The following CFAP96 variants were observed in gnomAD, a reference collection of about 807,000 sequenced individuals.
CFAP96 encodes the protein cilia-and flagella-associated protein 96.
chr4:185,408,564 T>C, the CFAP96 span: 1 of 954,790 alleles, frequency 1.0e-6, no homozygotes, highest in South Asian at 1.8e-5. Flanking sequence ...AAAAATGCCT[T>C]CACAGATCTA....
chr4:185,422,574 T>TA, the CFAP96 span: 5 of 1,567,402 alleles, frequency 3.2e-6, no homozygotes, highest in Non-Finnish European at 4.3e-6. Context: ...CTAGAACAAA[T>TA]AAAGATAAAG....
chr4:185,434,297 T>C, the CFAP96 span, among the ~76,000 whole-genome samples: 3 of 152,224 alleles, frequency 2.0e-5, no homozygotes, highest in Non-Finnish European at 2.9e-5. Flanking sequence ...TTTGACACTT[T>C]GGATAGATTT....
the CFAP96 span, among the ~76,000 whole-genome samples, chr4:185,440,006 T>TAG: frequency 3.1e-5 from 1 of 32,386 alleles, no homozygotes; most frequent in South Asian, 2.2e-3. Flanking sequence ...ACATATGAGA[T>TAG]ATAGATAATC....
At chr4:185,434,191 T>C in the CFAP96 span, among the ~76,000 whole-genome samples, 1 of 152,102 alleles carries the variant, frequency 6.6e-6, no homozygotes, top group African/African-American at 2.4e-5. Context: ...TGCACTGCAC[T>C]GCAGCCTGGG....
At chr4:185,423,150 C>T in the CFAP96 span, among the ~76,000 whole-genome samples, 45 of 152,324 alleles carry the variant, frequency 3.0e-4, no homozygotes, top group African/African-American at 8.2e-4. Context: ...TGAGCCACCG[C>T]GCCCAGCTGG....
At chr4:185,445,271 A>G in the CFAP96 span, 3,187 of 777,054 alleles carry the variant, frequency 4.1e-3, 7 homozygotes, top group Non-Finnish European at 5.1e-3. Context: ...AGCTCCTTCC[A>G]TGTACAGGTA....
the CFAP96 span, chr4:185,426,049 A>G: frequency 1.5e-6 from 1 of 670,520 alleles, no homozygotes; most frequent in Admixed American, 2.9e-5. Flanking sequence ...GCGGACGGCG[A>G]GGCGGGGCGG....
the CFAP96 span, chr4:185,429,632 AG>A: frequency 1.6e-6 from 1 of 625,014 alleles, no homozygotes; most frequent in African/African-American, 2.0e-5. Flanking sequence ...TTAGTTCTAA[AG>A]TTTGTTAACG....
the CFAP96 span, among the ~76,000 whole-genome samples, chr4:185,443,345 T>A: frequency 7.9e-3 from 677 of 85,410 alleles, 4 homozygotes; most frequent in African/African-American, 0.023. Context: ...TATATATATT[T>A]TTTTTTTTTT....
At chr4:185,448,708 C>T in the CFAP96 span, among the ~76,000 whole-genome samples, 1 of 152,300 alleles carries the variant, frequency 6.6e-6, no homozygotes, top group African/African-American at 2.4e-5. Flanking sequence ...CTGCCCAACT[C>T]ATCTAATAAA....
At chr4:185,421,848 T>C in the CFAP96 span, among the ~76,000 whole-genome samples, 7 of 152,328 alleles carry the variant, frequency 4.6e-5, no homozygotes, top group Admixed American at 2.0e-4. Context: ...TTCAGAGACA[T>C]TACATTCTCT....
chr4:185,422,016 G>A, the CFAP96 span, among the ~76,000 whole-genome samples: 88 of 152,288 alleles, frequency 5.8e-4, no homozygotes, highest in African/African-American at 1.9e-3. Flanking sequence ...TGTGGCTGTA[G>A]TTCAAGTCAG....
the CFAP96 span, chr4:185,440,558 C>T: frequency 4.6e-6 from 7 of 1,518,182 alleles, no homozygotes; most frequent in Non-Finnish European, 5.3e-6. Flanking sequence ...TGAAGAGCAC[C>T]ATCGTTTACT....
the CFAP96 span, chr4:185,422,453 T>C: frequency 6.6e-7 from 1 of 1,520,412 alleles, no homozygotes; most frequent in Non-Finnish European, 9.0e-7. Flanking sequence ...CTATCAATTT[T>C]CTAATAAAAA....
At chr4:185,413,918 T>C in the CFAP96 span, 1 of 1,511,108 alleles carries the variant, frequency 6.6e-7, no homozygotes, top group Non-Finnish European at 8.9e-7. Context: ...TGTTGGTGAT[T>C]TAGATTCCTA....
the CFAP96 span, chr4:185,432,064 T>A: frequency 6.4e-7 from 1 of 1,551,672 alleles, no homozygotes; most frequent in Non-Finnish European, 8.7e-7. Context: ...AGGCAGGTTA[T>A]TTTGATCCCC....
At chr4:185,418,891 A>T in the CFAP96 span, 12 of 753,942 alleles carry the variant, frequency 1.6e-5, no homozygotes, top group Non-Finnish European at 2.3e-5. Flanking sequence ...ATATTCAATA[A>T]TAATTTCAAA....
At chr4:185,417,460 T>C in the CFAP96 span, among the ~76,000 whole-genome samples, 3 of 152,168 alleles carry the variant, frequency 2.0e-5, no homozygotes, top group Non-Finnish European at 4.4e-5. Flanking sequence ...AAGAAACTGA[T>C]CTTGCCAGTT....
the CFAP96 span, among the ~76,000 whole-genome samples, chr4:185,423,916 A>C: frequency 1.2e-4 from 19 of 152,212 alleles, no homozygotes; most frequent in East Asian, 7.7e-4. Flanking sequence ...CTCAAAACAT[A>C]TCTCTCAAAC....
Sources: allele counts gnomAD v4.1 joint callset (sites outside exome capture counted in the v4.1 genomes callset), GRCh38; gene constraint gnomAD v4.1.1; transcripts MANE v1.5; gene names NCBI Gene and HGNC (gene_info 2026-07-23, HGNC 2026-07-21).